The following KRIT1 variants were observed in gnomAD, a reference collection of about 807,000 sequenced individuals.
The protein encoded by KRIT1 is KRIT1 ankyrin repeat containing.
KRIT1 carries 45 observed loss-of-function variants against 95.8 expected under a neutral mutation model. The ratio of observed to expected loss-of-function variants is 0.47; its 90% CI spans 0.37 to 0.60. KRIT1 has a LOEUF of 0.60. KRIT1 is among the 20% of genes least tolerant of loss of function. The pLI is 0.00. For synonymous variants in KRIT1, 282 were observed against 278.8 expected, an observed-to-expected ratio of 1.01 and a Z score of -0.11; for missense variants, 788 against 877.5, an observed-to-expected ratio of 0.90 and a Z score of 1.29.
At chr7:92,225,637 TCCACTCTTG>T (rs1796058919) in intron 12 of KRIT1, 74 bp downstream of exon 12, 2 of 830,566 alleles carry the variant, frequency 2.4e-6, no homozygotes, top group Non-Finnish European at 4.1e-6. Flanking sequence ...TAATCGTCTT[TCCACTCTTG>T]CCACAGATCC....
chr7:92,208,143 A>G (rs1425634456), intron 17 of KRIT1, among the ~76,000 whole-genome samples: 1 of 152,152 alleles, frequency 6.6e-6, no homozygotes, highest in African/African-American at 2.4e-5. Flanking sequence ...GGAAATAAAA[A>G]AATTTCTCAA....
At position 92,214,010 on chromosome 7, in the gene KRIT1, T is replaced by C. The variant is rs771306948; in HGVS notation, c.1731-31A>G. ...AGCACACATGCCAACATCCTTTAAA[T>C]AAATCATCTTTAGTAGCTAAAGTAT... is the stretch of plus-strand genomic sequence containing the variant. On this transcript the variant is annotated intron_variant, in intron 15 of 18. Coordinates refer to ENST00000394505, the MANE Select transcript of KRIT1 (RefSeq NM_194454.3). The C allele has an allele frequency of 3.8e-6, 5 of 1,305,460 alleles. No individual in the cohort carries two copies. In the South Asian group the frequency reaches 4.7e-5, roughly 12 times the overall value. The allele number at this position is 1,305,460 out of a possible 1,614,324, so 80.9% of individuals were successfully genotyped here.
chr7:92,242,650 G>A (rs534539478), intron 3 of KRIT1, among the ~76,000 whole-genome samples: 11 of 152,306 alleles, frequency 7.2e-5, no homozygotes, highest in Non-Finnish European at 1.5e-4. Flanking sequence ...TTTCAGCAAG[G>A]ATAACTTTGA....
chr7:92,225,526 C>T (rs1357915715), intron 12 of KRIT1, among the ~76,000 whole-genome samples, 194 bp downstream of exon 12: 2 of 152,070 alleles, frequency 1.3e-5, no homozygotes, highest in Non-Finnish European at 2.9e-5. Flanking sequence ...ATCTCTTGAC[C>T]TTGTGATCTG....
At chr7:92,234,052 C>T (rs764559815) in intron 10 of KRIT1, among the ~76,000 whole-genome samples, 1 of 152,270 alleles carries the variant, frequency 6.6e-6, no homozygotes, top group African/African-American at 2.4e-5. Flanking sequence ...TATAGCAAGA[C>T]GCAAGGTCAA....
chr7:92,221,857 G>T lies in KRIT1; in HGVS notation c.1563+45C>A, dbSNP rs1425094373. 4 of 1,558,448 alleles carry T rather than the reference G, an allele frequency of 2.6e-6. No homozygotes were observed. The Admixed American group carries it at 5.1e-5, about 20-fold the overall frequency. On this transcript the variant is annotated intron_variant, in intron 14 of 18. Transcript: ENST00000394505. ...TAGTGCTTACAATAGAAACTCAACA[G>T]ATTTTGTGCATTTAAATAACTGTAA...
chr7:92,235,880 T>A (rs773653379), intron 7 of KRIT1: 5 of 411,828 alleles, frequency 1.2e-5, no homozygotes, highest in Admixed American at 3.6e-5. Context: ...GCACATGTGA[T>A]AATATGTTCA....
At chr7:92,216,697 T>C (rs1342741995) in intron 14 of KRIT1, among the ~76,000 whole-genome samples, 14 of 152,204 alleles carry the variant, frequency 9.2e-5, no homozygotes, top group Admixed American at 9.2e-4. Flanking sequence ...TAACAACTTG[T>C]GATCTAATGA....
At chr7:92,239,989 G>A (rs147224205) in intron 5 of KRIT1, among the ~76,000 whole-genome samples, 34 of 152,112 alleles carry the variant, frequency 2.2e-4, no homozygotes, top group African/African-American at 5.5e-4. Flanking sequence ...GATTACAGAC[G>A]TGAGCCACTG....
At chr7:92,218,330 A>G (rs1794420070) in intron 14 of KRIT1, among the ~76,000 whole-genome samples, 1 of 150,448 alleles carries the variant, frequency 6.6e-6, no homozygotes, top group Admixed American at 6.6e-5. Flanking sequence ...TGAGCCTCCC[A>G]CCTCATCCTT....
At chr7:92,203,876 A>G (rs773238951) in intron 17 of KRIT1, 7 of 152,268 alleles carry the variant, frequency 4.6e-5, no homozygotes, top group African/African-American at 9.7e-5. Context: ...TTAGTACAAG[A>G]GAAATAGAAA....
In KRIT1 at chr7:92,213,918, T is replaced by G; in HGVS notation, c.1792A>C (p.Thr598Pro). The G allele has an allele frequency of 1.2e-6, 2 of 1,608,576 alleles. No individual in the cohort carries two copies. The highest frequency in any genetic ancestry group is 2.2e-5 in the South Asian group (2 of 90,958). ...TTGTATTCATGAAGTATGCGATTTGTCCAGTGAGGTGCCTTACTTTTCAGT... is the reference window on the plus strand; with the variant it reads ...TTGTATTCATGAAGTATGCGATTTGGCCAGTGAGGTGCCTTACTTTTCAGT... ...TKLKSKAPHWTNRILHEYKNL... is the reference protein window; with the variant it reads ...TKLKSKAPHWPNRILHEYKNL... Residue 598 changes from threonine to proline, a missense_variant, in exon 16 of 19, where the codon ACA becomes CCA. By Grantham distance (38) the Thr-to-Pro change is conservative. Coordinates refer to ENST00000394505, the MANE Select transcript of KRIT1 (RefSeq NM_194454.3).
At chr7:92,218,286 G>A (rs1321777059) in intron 14 of KRIT1, among the ~76,000 whole-genome samples, 1 of 151,532 alleles carries the variant, frequency 6.6e-6, no homozygotes, top group East Asian at 1.9e-4. Context: ...GTCTCACTAT[G>A]CAGCCAGGCT....
At position 92,232,167 on chromosome 7, in the gene KRIT1, A is replaced by C. The variant is rs190253228; in HGVS notation, c.989+2282T>G. On this transcript the variant is annotated intron_variant, in intron 10 of 18. Transcript: ENST00000394505. ...GGTCTCAAACTCCTGACTTCCAGTC[A>C]TCTGCCCTTCTTGGCCTTCCAAAGT... 5.8e-3 allele frequency among the ~76,000 whole-genome samples: 879 copies of C among 152,304 alleles called. 4 individuals are homozygous for C. Among genetic ancestry groups the C allele is most frequent in the South Asian group, 0.028 (133 of 4,834 alleles).
intron 17 of KRIT1, chr7:92,206,078 T>C (rs960207543): frequency 1.1e-4 from 17 of 152,702 alleles, no homozygotes; most frequent in Admixed American, 1.1e-3. Context: ...CCAGCACACA[T>C]TATCTAGGGT....
chr7:92,199,137 T>C (rs890011833), downstream of KRIT1: 3 of 152,200 alleles, frequency 2.0e-5, no homozygotes, highest in African/African-American at 7.2e-5. Context: ...GCTAAAATCT[T>C]AGGTTTGGGA....
intron 17 of KRIT1, among the ~76,000 whole-genome samples, chr7:92,212,708 C>T (rs1020751458): frequency 6.6e-6 from 1 of 152,198 alleles, no homozygotes; most frequent in African/African-American, 2.4e-5. Flanking sequence ...ATTAGCCAAT[C>T]AGTCTATAGG....
chr7:92,245,600 C>G (rs570721041), intron 1 of KRIT1, 190 bp downstream of exon 1: 1 of 152,124 alleles, frequency 6.6e-6, no homozygotes, highest in African/African-American at 2.4e-5. Flanking sequence ...AGTCACCTGG[C>G]GAGGGGGGGC....
At chr7:92,232,959 C>G (rs1418070626) in intron 10 of KRIT1, among the ~76,000 whole-genome samples, 1 of 152,130 alleles carries the variant, frequency 6.6e-6, no homozygotes, top group Non-Finnish European at 1.5e-5. Context: ...TCCCAAAGTG[C>G]TGGGATTACA....
Sources: allele counts gnomAD v4.1 joint callset (sites outside exome capture counted in the v4.1 genomes callset), GRCh38; gene constraint gnomAD v4.1.1; transcripts MANE v1.5; gene names NCBI Gene and HGNC (gene_info 2026-07-23, HGNC 2026-07-21).